ATP2B3: variants seen among roughly 807,000 people sequenced by gnomAD.
ATP2B3 encodes the protein ATPase plasma membrane Ca2+ transporting 3, also known as plasma membrane calcium-transporting ATPase 3.
A neutral mutation model predicts 70.8 loss-of-function variants in ATP2B3; 12 were observed. That is an observed-to-expected ratio of 0.17 (90% CI 0.11 to 0.27). ATP2B3 has a LOEUF of 0.27. ATP2B3 is among the 10% of genes least tolerant of loss of function. The pLI, the probability that ATP2B3 is intolerant of heterozygous loss-of-function variation, is 1.00. For missense variants in ATP2B3, 858 were observed against 1,118.5 expected (o/e 0.77, Z 3.32); for synonymous variants, 460 against 497.8 (o/e 0.92, Z 1.01).
chrX:153,557,861 C>A (rs2090562492), intron 16 of ATP2B3, among the ~76,000 whole-genome samples: 1 of 99,444 alleles, frequency 1.0e-5, no homozygotes. Context: ...GTCATCAGCA[C>A]CCTCTGTGTT....
At chrX:153,571,407 TGTTGA>T (rs782124577) in intron 21 of ATP2B3, among the ~76,000 whole-genome samples, 1 of 112,094 alleles carries the variant, frequency 8.9e-6, no homozygotes, top group Non-Finnish European at 1.9e-5. Context: ...TTTGCCCATT[TGTTGA>T]GTTAAGGGGA....
chrX:153,580,229 G>A lies in ATP2B3; in HGVS notation c.3594G>A (p.Lys1198=), dbSNP rs782596945. ...SGIYLTTHVT[K]SATSSVFSSS... The stretch of plus-strand genomic sequence containing the variant: ...TCTACCTGACCACGCATGTCACCAA[G>A]TCAGCTACCTCTTCAGTGTTTTCCT... The change falls in exon 22 of 22, where the codon AAG becomes AAA. Residue 1198 remains lysine, a synonymous_variant. Coordinates refer to ENST00000263519, the MANE Select transcript of ATP2B3 (RefSeq NM_001001344.3). 1.7e-6 allele frequency: 2 copies of A among 1,186,793 alleles called. No individual in the cohort carries two copies. Among genetic ancestry groups the A allele is most frequent in the East Asian group, 3.1e-5 (1 of 32,309 alleles).
Position 153,558,118 on chromosome X carries a change from G to A in ATP2B3, c.2440G>A (p.Ala814Thr), listed in dbSNP as rs782219358. 1.1e-5 allele frequency: 13 copies of A among 1,205,792 alleles called. No individual in the cohort carries two copies. The East Asian group carries it at 1.2e-4, about 11-fold the overall frequency. ...KADVGFAMGIAGTDVAKEASD... is the reference protein window; with the variant it reads ...KADVGFAMGITGTDVAKEASD... The stretch of plus-strand genomic sequence containing the variant: ...GTGTGTGTCACCCCCCCAGGGCATC[G>A]CAGGGACCGACGTGGCCAAGGAGGC... Residue 814 changes from alanine (A) to threonine (T), a missense_variant, in exon 17 of 22, where the codon GCA becomes ACA. Transcript: ENST00000263519.
rs1487683675 is a variant in ATP2B3 at position 153,536,591 on chromosome X, G to T, written c.208+136G>T. 3.5e-5 allele frequency: 24 copies of T among 691,826 alleles called. No individual in the cohort carries two copies. The East Asian group carries it at 6.3e-4, about 18-fold the overall frequency. The allele number at this position is 691,826 out of a possible 1,213,427, so 57.0% of individuals were successfully genotyped here. Reference sequence around the variant, plus strand: ...CCCTCCTCTCAGCCATTTCCCTTGAGGGGGAGATGCCCTGGGTAACCTGAC... The same window carrying T: ...CCCTCCTCTCAGCCATTTCCCTTGATGGGGAGATGCCCTGGGTAACCTGAC... On this transcript the variant is annotated intron_variant, in intron 3 of 21. Coordinates refer to ENST00000263519, the MANE Select transcript of ATP2B3 (RefSeq NM_001001344.3).
intron 7 of ATP2B3, among the ~76,000 whole-genome samples, chrX:153,545,359 A>G (rs1274508548): frequency 8.9e-6 from 1 of 112,978 alleles, no homozygotes; most frequent in Non-Finnish European, 1.9e-5. Flanking sequence ...CTAGCGTCTC[A>G]TTCCTTTGTC....
chrX:153,537,642 G>A (rs112951625), intron 3 of ATP2B3, among the ~76,000 whole-genome samples: 422 of 112,427 alleles, frequency 3.8e-3, no homozygotes, highest in African/African-American at 0.013. Context: ...CCTCGCCGCC[G>A]CACACGCCCT....
chrX:153,527,456 G>A (rs782162878), intron 2 of ATP2B3, among the ~76,000 whole-genome samples: 1 of 113,167 alleles, frequency 8.8e-6, no homozygotes, highest in Admixed American at 9.2e-5. Flanking sequence ...ACGCTGCTAT[G>A]CAGCTCGCAC....
Position 153,575,765 on chromosome X carries a change from C to T in ATP2B3, c.3343-4213C>T, listed in dbSNP as rs187694609. ...GAAGGCCGAGAGCCAGAAGAGAGTA[C>T]CTAGACCCAGAGGAGGGGCCCTCGG... On this transcript the variant is annotated intron_variant, in intron 21 of 21. Transcript: ENST00000263519. Among the ~76,000 whole-genome samples, 28 of 112,036 alleles carry T rather than the reference C, an allele frequency of 2.5e-4. No individual in the cohort carries two copies. In the East Asian group the frequency reaches 7.7e-3, roughly 31 times the overall value.
chrX:153,529,097 T>G (rs980116865), intron 2 of ATP2B3, among the ~76,000 whole-genome samples: 15 of 112,863 alleles, frequency 1.3e-4, no homozygotes, highest in African/African-American at 4.2e-4. Context: ...GGTACCCATC[T>G]TGAGGCCAGG....
Position 153,580,170 on chromosome X carries a change from C to CCCCA in ATP2B3, c.3537_3538insCACC (p.Asn1180HisfsTer114). ...CCTCCGGGCCCCCCCGCCCCCGTCC[C>CCCCA]CCAACCAGAACAACAACGCCATAGA... On this transcript the variant is annotated frameshift_variant, in exon 22 of 22. Coordinates refer to ENST00000263519, the MANE Select transcript of ATP2B3 (RefSeq NM_001001344.3). LOFTEE classifies it high-confidence loss of function. The CCCCA allele has an allele frequency of 1.7e-6, 2 of 1,206,185 alleles. No individual in the cohort carries two copies. Among genetic ancestry groups the CCCCA allele is most frequent in the Non-Finnish European group, 2.2e-6 (2 of 892,512 alleles).
intron 2 of ATP2B3, among the ~76,000 whole-genome samples, chrX:153,532,099 TCA>T (rs1389621185): frequency 8.9e-6 from 1 of 112,265 alleles, no homozygotes; most frequent in Non-Finnish European, 1.9e-5. Flanking sequence ...TTCCTGAGCC[TCA>T]GTTTCCCCCT....
At position 153,560,795 on chromosome X, in the gene ATP2B3, G is replaced by A. The variant is rs782166942; in HGVS notation, c.2959G>A (p.Ala987Thr). The A allele has an allele frequency of 5.0e-6, 6 of 1,210,165 alleles. No individual in the cohort carries two copies. Among genetic ancestry groups the A allele is most frequent in the Admixed American group, 2.2e-5 (1 of 45,821 alleles). The change falls in exon 19 of 22, where the codon GCC becomes ACC. Residue 987 changes from alanine (A) to threonine (T), a missense_variant. Physicochemically the swap from Ala to Thr is moderately conservative, Grantham distance 58 (BLOSUM62 0). Coordinates refer to ENST00000263519, the MANE Select transcript of ATP2B3 (RefSeq NM_001001344.3). ...VMMQLFNEIN[A>T]RKIHGERNVF... ...GATGCAGCTCTTTAACGAGATCAAC[G>A]CCCGCAAGATCCACGGCGAGAGGAA...
chrX:153,559,978 A>T, intron 18 of ATP2B3, 36 bp downstream of exon 18: 2 of 1,167,870 alleles, frequency 1.7e-6, no homozygotes, highest in Non-Finnish European at 2.3e-6. Flanking sequence ...GGACTTCAGG[A>T]CACTGTTGCC....
chrX:153,548,021 G>A (rs2090396312), intron 9 of ATP2B3, 22 bp downstream of exon 9: 5 of 1,188,042 alleles, frequency 4.2e-6, no homozygotes, highest in African/African-American at 3.5e-5. Context: ...AGGAGGTGGT[G>A]GGCCCAGGCC....
rs368811197 is a variant in ATP2B3 at position 153,557,882 on chromosome X, GC to G, written c.2434-219del. 4.1e-3 allele frequency among the ~76,000 whole-genome samples: 355 copies of G among 87,402 alleles called. 4 individuals carry two copies. The highest frequency in any genetic ancestry group is 9.4e-3 in the East Asian group (26 of 2,773). 75.9% of individuals were successfully genotyped at this position (87,402 alleles called of 115,157 possible). ...AGCACCCTCTGTGTTTATGAGCAAA[GC>G]CCCCCCCCCCACCGTGACATGTGAC... On this transcript the variant is annotated intron_variant, in intron 16 of 21. Transcript: ENST00000263519.
chrX:153,541,638 C>T (rs2090283304), intron 4 of ATP2B3, 31 bp from the exon 5 acceptor site: 2 of 1,205,896 alleles, frequency 1.7e-6, no homozygotes, highest in African/African-American at 3.5e-5. Context: ...GTGATGTCTC[C>T]TCCACTGCTT....
chrX:153,553,493 C>T (rs1241236908), intron 13 of ATP2B3, among the ~76,000 whole-genome samples: 1 of 112,211 alleles, frequency 8.9e-6, no homozygotes, highest in Non-Finnish European at 1.9e-5. Context: ...TCAGGCTCCA[C>T]CTTCTACCAG....
intron 8 of ATP2B3, among the ~76,000 whole-genome samples, chrX:153,546,921 G>C (rs1446362967): frequency 8.9e-6 from 1 of 112,582 alleles, no homozygotes; most frequent in African/African-American, 3.2e-5. Flanking sequence ...GAGGGGCCCA[G>C]CTGGGTGGGG....
In ATP2B3 at chrX:153,555,333, C is replaced by T. The variant is rs1017043454; in HGVS notation, c.2059-716C>T. On this transcript the variant is annotated intron_variant, in intron 13 of 21. Coordinates refer to ENST00000263519, the MANE Select transcript of ATP2B3 (RefSeq NM_001001344.3). Reference sequence around the variant, plus strand: ...CCACTCCTGCGTGTCTACTCCCCACCGCCGCAGGCTCCCCAGGCCTGGCGG... The same window carrying T: ...CCACTCCTGCGTGTCTACTCCCCACTGCCGCAGGCTCCCCAGGCCTGGCGG... 4.5e-5 allele frequency among the ~76,000 whole-genome samples: 5 copies of T among 111,336 alleles called. No homozygotes were observed. The Admixed American group carries it at 4.7e-4, about 10-fold the overall frequency.
Sources: allele counts gnomAD v4.1 joint callset (sites outside exome capture counted in the v4.1 genomes callset), GRCh38; gene constraint gnomAD v4.1.1; transcripts MANE v1.5; gene names NCBI Gene and HGNC (gene_info 2026-07-23, HGNC 2026-07-21).